SH2B3: variants seen among roughly 807,000 people sequenced by gnomAD.
SH2B3 encodes SH2B adaptor protein 3.
In SH2B3, 43 loss-of-function variants were observed where a neutral mutation model predicts 51.9. The ratio of observed to expected loss-of-function variants is 0.83; its 90% CI spans 0.65 to 1.07. The LOEUF is 1.07. Ranked by LOEUF, SH2B3 falls within the 50% of genes least tolerant of loss-of-function variation. The pLI is 0.00. For missense variants in SH2B3, 952 were observed against 834.3 expected, an observed-to-expected ratio of 1.14 and a Z score of -1.74; for synonymous variants, 396 against 376.0, an observed-to-expected ratio of 1.05 and a Z score of -0.62.
rs2078862 is a variant in SH2B3 at position 111,435,578 on chromosome 12, C to T, written c.733-11175C>T. 5.1e-4 allele frequency among the ~76,000 whole-genome samples: 78 copies of T among 152,284 alleles called. 1 individual carries two copies. The highest frequency in any genetic ancestry group is 1.9e-3 in the African/African-American group (77 of 41,564). On this transcript the variant is annotated intron_variant, in intron 2 of 7. Transcript: ENST00000341259. The surrounding 1 kb of genome is among the most constrained non-coding windows in gnomAD (Gnocchi z 4.8). ...TTCACCATGTTGGCCAGGCTGGTCT[C>T]GAACTCCTGACCTCAAGTGATCCGC...
rs879510607 is a variant in SH2B3 at position 111,429,106 on chromosome 12, G to A, written c.732+10229G>A. On this transcript the variant is annotated intron_variant, in intron 2 of 7. Transcript: ENST00000341259. This position sits in a 1 kb window ranked among gnomAD's most constrained non-coding sequence, Gnocchi z 4.4. ...AGCCGCCTCGGGCTCTGACAGGCGC[G>A]GCCCTGGCCTGCCCCTGCCCTTCTG... Among the ~76,000 whole-genome samples, 6 of 152,094 alleles carry A rather than the reference G, an allele frequency of 3.9e-5. No individual in the cohort carries two copies. Among genetic ancestry groups the A allele is most frequent in the Admixed American group, 1.3e-4 (2 of 15,278 alleles).
At position 111,451,192 on chromosome 12, in the gene SH2B3, T is replaced by C. The variant is rs1408626898; in HGVS notation, c.*2890T>C. ...TAAATCTTCTGCCTTTGATCATTTC[T>C]GGACCGTAGGAAAAAGGAATAGCAA... On this transcript the variant is annotated 3_prime_UTR_variant, in exon 8 of 8. Coordinates refer to ENST00000341259, the MANE Select transcript of SH2B3 (RefSeq NM_005475.3). The C allele has an allele frequency of 6.5e-6, 1 of 152,688 alleles. No individual in the cohort carries two copies. The highest frequency in any genetic ancestry group is 1.5e-5 in the Non-Finnish European group (1 of 68,050). The allele number at this position is 152,688 out of a possible 1,614,324, so 9.5% of individuals were successfully genotyped here. A position where few individuals can be genotyped will look rare whatever the true frequency, so the allele number is the denominator to read the frequency against.
chr12:111,414,682 T>C (rs1280067832), intron 1 of SH2B3, among the ~76,000 whole-genome samples: 1 of 151,872 alleles, frequency 6.6e-6, no homozygotes, highest in Non-Finnish European at 1.5e-5. Flanking sequence ...CTTGTGGAGA[T>C]CGGCTGTGGG....
At chr12:111,437,425 G>A (rs1028748011) in intron 2 of SH2B3, among the ~76,000 whole-genome samples, 2 of 152,176 alleles carry the variant, frequency 1.3e-5, no homozygotes, top group Non-Finnish European at 2.9e-5. Context: ...ACCAAGGGGG[G>A]ATCTGGCCCA....
In SH2B3 at chr12:111,435,446, C is replaced by T. The variant is rs1339361274; in HGVS notation, c.733-11307C>T. Among the ~76,000 whole-genome samples, 1 of 152,212 alleles carries T rather than the reference C, an allele frequency of 6.6e-6. No homozygotes were observed. Among genetic ancestry groups the T allele is most frequent in the Non-Finnish European group, 1.5e-5 (1 of 68,032 alleles). ...CACGATCTCGGCTCACTGCAACCTCCGCCTCCCAGGTTCAGGTGATTCTCG... is the reference window on the plus strand; with the variant it reads ...CACGATCTCGGCTCACTGCAACCTCTGCCTCCCAGGTTCAGGTGATTCTCG... On this transcript the variant is annotated intron_variant, in intron 2 of 7. Coordinates refer to ENST00000341259, the MANE Select transcript of SH2B3 (RefSeq NM_005475.3). The surrounding 1 kb of genome is among the most constrained non-coding windows in gnomAD (Gnocchi z 4.8).
At chr12:111,420,864 T>C (rs981273115) in intron 2 of SH2B3, among the ~76,000 whole-genome samples, 14 of 152,114 alleles carry the variant, frequency 9.2e-5, no homozygotes, top group African/African-American at 3.4e-4. Context: ...GGTTTGGCGG[T>C]TTGGGAGAGT....
chr12:111,410,436 G>T lies in SH2B3; in HGVS notation c.-28+4159G>T, dbSNP rs1341238338. ...TCCCCTGTCTGCCCTCAACCCAGAG[G>T]CAGTGAAAGGAAGAAGCCACGGCCT... On this transcript the variant is annotated intron_variant, in intron 1 of 7. Transcript: ENST00000341259. This position sits in a 1 kb window ranked among gnomAD's most constrained non-coding sequence, Gnocchi z 4.9. Among the ~76,000 whole-genome samples the T allele has an allele frequency of 2.6e-5, 4 of 152,176 alleles. No individual in the cohort carries two copies. The highest frequency in any genetic ancestry group is 9.7e-5 in the African/African-American group (4 of 41,442).
chr12:111,417,460 T>TTTTATTTATTTATTTATTTATTTA (rs61142950), intron 1 of SH2B3, among the ~76,000 whole-genome samples: 3,639 of 147,176 alleles, frequency 0.025, 79 homozygotes, highest in Middle Eastern at 0.039. Context: ...AGGGCCTTTA[T>TTTTATTTATTTATTTATTTATTTA]TTTATTTATT....
intron 2 of SH2B3, among the ~76,000 whole-genome samples, chr12:111,422,801 C>G (rs1871662258): frequency 6.6e-6 from 1 of 151,512 alleles, no homozygotes; most frequent in Non-Finnish European, 1.5e-5. Context: ...ACCTCGTGAT[C>G]CACCTGCCTC....
intron 2 of SH2B3, among the ~76,000 whole-genome samples, chr12:111,427,316 G>A (rs1214138302): frequency 2.0e-5 from 3 of 150,226 alleles, no homozygotes; most frequent in Non-Finnish European, 1.5e-5. Flanking sequence ...AGCCCAGGAG[G>A]TGGAGGTTGC....
At chr12:111,424,929 C>G (rs1160254886) in intron 2 of SH2B3, among the ~76,000 whole-genome samples, 2 of 152,222 alleles carry the variant, frequency 1.3e-5, no homozygotes, top group Admixed American at 1.3e-4. Flanking sequence ...CGGTCTGTCA[C>G]TTAAAGGGTG....
At position 111,447,710 on chromosome 12, in the gene SH2B3, T is replaced by C. The variant is rs1379534265; in HGVS notation, c.1291T>C (p.Phe431Leu). ...RGQCRVQHLHFPSVVDMLHHF... is the reference protein window; with the variant it reads ...RGQCRVQHLHLPSVVDMLHHF... ...CCAGTGCCGTGTGCAGCACCTCCAC[T>C]TTCCCTCGGTCGTGGACATGCTCCA... Residue 431 changes from phenylalanine (F) to leucine (L), a missense_variant, in exon 7 of 8, where the codon TTT (phenylalanine) becomes CTT (leucine). Physicochemically the swap from Phe to Leu is conservative, Grantham distance 22. Transcript: ENST00000341259. 6.2e-7 allele frequency: 1 copy of C among 1,613,794 alleles called. No individual in the cohort carries two copies. The highest frequency in any genetic ancestry group is 2.2e-5 in the East Asian group (1 of 44,870).
In SH2B3 at chr12:111,435,169, C is replaced by T. The variant is rs562718856; in HGVS notation, c.733-11584C>T. On this transcript the variant is annotated intron_variant, in intron 2 of 7. Coordinates refer to ENST00000341259, the MANE Select transcript of SH2B3 (RefSeq NM_005475.3). The surrounding 1 kb of genome is among the most constrained non-coding windows in gnomAD (Gnocchi z 4.8). Reference sequence around the variant, plus strand: ...AACCACATCTTTTTCCACCCACACCCGGTGCAGAGCAGATGCTTGGCCGGG... The same window carrying T: ...AACCACATCTTTTTCCACCCACACCTGGTGCAGAGCAGATGCTTGGCCGGG... 267 of 692,860 alleles carry T rather than the reference C, an allele frequency of 3.9e-4. No individual in the cohort carries two copies. The highest frequency in any genetic ancestry group is 3.8e-3 in the African/African-American group (210 of 55,628). 42.9% of individuals were successfully genotyped at this position (692,860 alleles called of 1,614,324 possible).
rs545105249 is a variant in SH2B3 at position 111,429,167 on chromosome 12, T to A, written c.732+10290T>A. ...CCGGGGGAAGGCACTTTGCCCTCCC[T>A]GTGCCTCAGTTTACTCAAGTAAAAA... On this transcript the variant is annotated intron_variant, in intron 2 of 7. Coordinates refer to ENST00000341259, the MANE Select transcript of SH2B3 (RefSeq NM_005475.3). This position sits in a 1 kb window ranked among gnomAD's most constrained non-coding sequence, Gnocchi z 4.4. Among the ~76,000 whole-genome samples, 22 of 152,194 alleles carry A rather than the reference T, an allele frequency of 1.4e-4. No individual in the cohort carries two copies. Among genetic ancestry groups the A allele is most frequent in the African/African-American group, 5.3e-4 (22 of 41,522 alleles).
At chr12:111,428,349 G>A (rs1223976255) in intron 2 of SH2B3, among the ~76,000 whole-genome samples, 3 of 152,220 alleles carry the variant, frequency 2.0e-5, no homozygotes, top group African/African-American at 7.2e-5. Flanking sequence ...GAGTGCCCAG[G>A]AGGCAGTGGT....
chr12:111,408,887 C>T (rs1353682659), intron 1 of SH2B3, among the ~76,000 whole-genome samples: 4 of 152,216 alleles, frequency 2.6e-5, no homozygotes, highest in African/African-American at 4.8e-5. Flanking sequence ...AACAGCTGTG[C>T]ACTTGCTGTG....
intron 2 of SH2B3, chr12:111,434,896 AAG>A: frequency 6.5e-7 from 1 of 1,535,682 alleles, no homozygotes; most frequent in East Asian, 2.4e-5. Context: ...TGGAGCTCAG[AAG>A]GACATGGGAT....
intron 2 of SH2B3, among the ~76,000 whole-genome samples, chr12:111,433,332 CAG>C (rs916304769): frequency 6.6e-6 from 1 of 152,044 alleles, no homozygotes; most frequent in South Asian, 2.1e-4. Context: ...GCCTGGGAAA[CAG>C]AGAGAGACTC....
intron 2 of SH2B3, among the ~76,000 whole-genome samples, chr12:111,426,787 A>C (rs1322448818): frequency 6.6e-6 from 1 of 152,114 alleles, no homozygotes; most frequent in Non-Finnish European, 1.5e-5. Context: ...TCACTGACCC[A>C]TTTGACAGAT....
Sources: allele counts gnomAD v4.1 joint callset (sites outside exome capture counted in the v4.1 genomes callset), GRCh38; gene constraint gnomAD v4.1.1; non-coding constraint Gnocchi (gnomAD v3.1); transcripts MANE v1.5; gene names NCBI Gene and HGNC (gene_info 2026-07-23, HGNC 2026-07-21).